ADARB2: variants seen among roughly 807,000 people sequenced by gnomAD.
ADARB2 encodes inactive double-stranded RNA-specific editase B2.
A neutral mutation model predicts 62.2 loss-of-function variants in ADARB2; 25 were observed. That is an observed-to-expected ratio of 0.40 (90% CI 0.29 to 0.56). The LOEUF (loss-of-function observed/expected upper bound fraction) is 0.56, where lower values mean the gene tolerates loss of function less well. Among genes scored for constraint, ADARB2 ranks in the 20% least tolerant of loss-of-function variants. The probability of loss-of-function intolerance (pLI) is 0.43; values close to 1 mark genes in which losing one functional copy is unlikely to be tolerated. For missense variants in ADARB2, 1,071 were observed against 1,077.4 expected (o/e 0.99, Z 0.08); for synonymous variants, 572 against 500.8 (o/e 1.14, Z -1.90).
chr10:1,618,249 G>T (rs923711962), intron 1 of ADARB2, among the ~76,000 whole-genome samples: 3 of 152,100 alleles, frequency 2.0e-5, no homozygotes, highest in Admixed American at 1.3e-4. Flanking sequence ...TATAAGTCCA[G>T]CTTTACTTTA....
intron 1 of ADARB2, among the ~76,000 whole-genome samples, chr10:1,712,969 T>A (rs1369719769): frequency 6.6e-6 from 1 of 152,130 alleles, no homozygotes; most frequent in Non-Finnish European, 1.5e-5. Context: ...CGAAGCTCCT[T>A]AGTCCCGACA....
chr10:1,282,907 T>A (rs1029308018), intron 3 of ADARB2, among the ~76,000 whole-genome samples: 4 of 152,164 alleles, frequency 2.6e-5, no homozygotes, highest in Non-Finnish European at 4.4e-5. Flanking sequence ...GAGAACTGAG[T>A]TATCTCATTG....
chr10:1,224,373 A>C (rs867347406), intron 6 of ADARB2, among the ~76,000 whole-genome samples: 9 of 150,380 alleles, frequency 6.0e-5, no homozygotes, highest in African/African-American at 1.7e-4. Context: ...TTTCAAAAAA[A>C]CAGCTCCTGG....
At chr10:1,509,142 G>A (rs147275721) in intron 1 of ADARB2, among the ~76,000 whole-genome samples, 228 of 152,246 alleles carry the variant, frequency 1.5e-3, no homozygotes, top group Middle Eastern at 6.8e-3. Flanking sequence ...GGTGATTAGC[G>A]TGTTTTTCAG....
In ADARB2 at chr10:1,292,961, A is replaced by AGAGAGGGAGAGGGAGGGAAGGAGAGAGG. The variant is rs1831480811; in HGVS notation, c.1078-21893_1078-21892insCCTCTCTCCTTCCCTCCCTCTCCCTCTC. 1.1e-4 allele frequency: 2 copies of AGAGAGGGAGAGGGAGGGAAGGAGAGAGG among 18,876 alleles called. 1 individual carries two copies. The highest frequency in any genetic ancestry group is 5.9e-3 in the East Asian group (2 of 340). The allele number at this position is 18,876 out of a possible 1,614,324, so 1.2% of individuals were successfully genotyped here. On this transcript the variant is annotated intron_variant, in intron 3 of 9. Coordinates refer to ENST00000381312, the MANE Select transcript of ADARB2 (RefSeq NM_018702.4). ...CTTCCATGGAGAGAGGGAAGGAGAG[A>AGAGAGGGAGAGGGAGGGAAGGAGAGAGG]GAGGGAGAGGGAGGGAAGGAGAGAG...
chr10:1,187,382 C>T (rs1836774729), intron 8 of ADARB2, among the ~76,000 whole-genome samples: 1 of 152,158 alleles, frequency 6.6e-6, no homozygotes, highest in South Asian at 2.1e-4. Flanking sequence ...TCCCCTCCTC[C>T]TCCCGCTCCC....
intron 8 of ADARB2, 140 bp downstream of exon 8, chr10:1,199,826 C>G (rs1389365827): frequency 1.1e-6 from 1 of 886,320 alleles, no homozygotes; most frequent in Non-Finnish European, 1.6e-6. Flanking sequence ...TTTTTAAAAT[C>G]GTAGGACTTT....
chr10:1,636,994 C>A (rs7917694), intron 1 of ADARB2, among the ~76,000 whole-genome samples: 112,902 of 151,256 alleles, frequency 0.75, 45,318 homozygotes, highest in Non-Finnish European at 0.9. Context: ...TTGGCACTTA[C>A]AATAACAGTC....
intron 4 of ADARB2, among the ~76,000 whole-genome samples, chr10:1,260,206 A>G (rs1422131073): frequency 1.1e-4 from 16 of 152,228 alleles, no homozygotes; most frequent in East Asian, 5.8e-4. Flanking sequence ...TACTGAATGG[A>G]CAAAAACTGG....
intron 1 of ADARB2, among the ~76,000 whole-genome samples, chr10:1,500,294 C>T (rs556625502): frequency 8.9e-4 from 135 of 152,320 alleles, no homozygotes; most frequent in African/African-American, 3.1e-3. Context: ...TCAGTTTTCT[C>T]CCTGAACTCT....
chr10:1,391,093 T>A (rs1832565568), intron 1 of ADARB2, among the ~76,000 whole-genome samples: 1 of 152,230 alleles, frequency 6.6e-6, no homozygotes, highest in Non-Finnish European at 1.5e-5. Context: ...TCATTTTGTC[T>A]GTTCTTTTCA....
chr10:1,695,240 C>T (rs1834724241), intron 1 of ADARB2, among the ~76,000 whole-genome samples: 1 of 152,172 alleles, frequency 6.6e-6, no homozygotes, highest in South Asian at 2.1e-4. Flanking sequence ...TACTCTTCTT[C>T]CTGGCAAGAA....
At chr10:1,703,009 G>A in intron 1 of ADARB2, among the ~76,000 whole-genome samples, 1 of 152,138 alleles carries the variant, frequency 6.6e-6, no homozygotes, top group Non-Finnish European at 1.5e-5. Flanking sequence ...TTCAGTAATT[G>A]TATTATCAGA....
chr10:1,732,462 C>G (rs1475502697), intron 1 of ADARB2, among the ~76,000 whole-genome samples: 1 of 152,148 alleles, frequency 6.6e-6, no homozygotes. Context: ...CACGTCATAT[C>G]TAATGCCCTT....
intron 3 of ADARB2, among the ~76,000 whole-genome samples, chr10:1,288,449 T>TA (rs572273621): frequency 6.3e-4 from 96 of 152,328 alleles, no homozygotes; most frequent in African/African-American, 1.8e-3. Flanking sequence ...AAGAGGCAGT[T>TA]ACGATTATTG....
intron 7 of ADARB2, 66 bp downstream of exon 7, chr10:1,216,885 A>G: frequency 6.4e-7 from 1 of 1,566,752 alleles, no homozygotes; most frequent in Non-Finnish European, 8.6e-7. Context: ...GGATGCAGGG[A>G]GCCTGGGGCT....
chr10:1,492,815 G>C (rs1831639565), intron 1 of ADARB2, among the ~76,000 whole-genome samples: 1 of 152,138 alleles, frequency 6.6e-6, no homozygotes, highest in Non-Finnish European at 1.5e-5. Flanking sequence ...AGGCCAGGAG[G>C]GAGAGCAGGG....
chr10:1,438,625 C>G (rs1252473433), intron 1 of ADARB2, among the ~76,000 whole-genome samples: 1 of 151,684 alleles, frequency 6.6e-6, no homozygotes, highest in Non-Finnish European at 1.5e-5. Context: ...CTATGGGGCT[C>G]CTGAGTCTCC....
chr10:1,336,543 G>C (rs1831976414), intron 3 of ADARB2, among the ~76,000 whole-genome samples: 1 of 152,098 alleles, frequency 6.6e-6, no homozygotes, highest in Admixed American at 6.5e-5. Context: ...GTACCACATA[G>C]CCATGGGAGG....
Sources: gnomAD v4.1 joint callset for allele counts (sites outside exome capture counted in the v4.1 genomes callset) on GRCh38, gnomAD v4.1.1 for gene constraint, MANE v1.5 for transcripts, NCBI Gene and HGNC (gene_info 2026-07-23, HGNC 2026-07-21) for gene names.